ATP8A2: variants seen among roughly 807,000 people sequenced by gnomAD.
The protein encoded by ATP8A2 is ATPase phospholipid transporting 8A2.
In ATP8A2, 100 loss-of-function variants were observed where a neutral mutation model predicts 165.6. The observed-to-expected ratio is 0.60, with a 90% CI of 0.51 to 0.71. The LOEUF (loss-of-function observed/expected upper bound fraction) is 0.71. Among genes scored for constraint, ATP8A2 ranks in the 30% least tolerant of loss-of-function variants. The probability of loss-of-function intolerance (pLI) is 0.00; values close to 1 mark genes in which losing one functional copy is unlikely to be tolerated. For synonymous variants in ATP8A2, 543 were observed against 548.8 expected (o/e 0.99, Z 0.15); for missense variants, 1,227 against 1,479.5 (o/e 0.83, Z 2.80).
intron 1 of ATP8A2, among the ~76,000 whole-genome samples, chr13:25,449,549 C>A (rs1489090347): frequency 6.6e-6 from 1 of 152,142 alleles, no homozygotes; most frequent in Non-Finnish European, 1.5e-5. Context: ...GGAGTGTTCC[C>A]TAAGTGTCAG....
chr13:25,977,018 C>A (rs1038294379), intron 35 of ATP8A2, among the ~76,000 whole-genome samples: 1 of 149,992 alleles, frequency 6.7e-6, no homozygotes, highest in Non-Finnish European at 1.5e-5. Flanking sequence ...GAACTCCTGA[C>A]CTTGTGATCC....
chr13:25,522,494 G>A (rs776500865), intron 2 of ATP8A2, among the ~76,000 whole-genome samples: 13 of 152,118 alleles, frequency 8.5e-5, no homozygotes, highest in Non-Finnish European at 1.9e-4. Flanking sequence ...CCAGATCTTA[G>A]AGGAAAGGCT....
At chr13:25,902,610 A>G (rs1953790743) in intron 33 of ATP8A2, among the ~76,000 whole-genome samples, 1 of 150,478 alleles carries the variant, frequency 6.6e-6, no homozygotes, top group African/African-American at 2.4e-5. Context: ...AAGACTGTCC[A>G]TTCTGCGTGT....
intron 2 of ATP8A2, among the ~76,000 whole-genome samples, chr13:25,483,786 G>C (rs1471776626): frequency 6.6e-6 from 1 of 152,216 alleles, no homozygotes; most frequent in Admixed American, 6.5e-5. Flanking sequence ...GCTGCACTGT[G>C]TAAGAGCTCA....
At chr13:25,538,219 C>G (rs1026550676) in intron 7 of ATP8A2, among the ~76,000 whole-genome samples, 158 bp downstream of exon 7, 6 of 152,154 alleles carry the variant, frequency 3.9e-5, no homozygotes, top group Admixed American at 3.9e-4. Context: ...CTGCCATGAC[C>G]CTTGGTTTCT....
At chr13:25,964,015 G>A (rs1301297243) in intron 34 of ATP8A2, among the ~76,000 whole-genome samples, 1 of 152,246 alleles carries the variant, frequency 6.6e-6, no homozygotes, top group Non-Finnish European at 1.5e-5. Flanking sequence ...GGGCTCTGCA[G>A]TGGAGGTGCC....
chr13:25,939,547 T>C (rs866634548), intron 33 of ATP8A2, among the ~76,000 whole-genome samples: 1 of 152,090 alleles, frequency 6.6e-6, no homozygotes, highest in South Asian at 2.1e-4. Flanking sequence ...CTCTTCTTCC[T>C]GACTTTCGCC....
intron 1 of ATP8A2, among the ~76,000 whole-genome samples, chr13:25,458,054 T>C (rs2035410106): frequency 6.6e-6 from 1 of 152,224 alleles, no homozygotes; most frequent in Admixed American, 6.5e-5. Flanking sequence ...GGGGCTATAG[T>C]TGAAGCAAAT....
At chr13:25,920,451 T>G (rs1954416079) in intron 33 of ATP8A2, among the ~76,000 whole-genome samples, 1 of 152,186 alleles carries the variant, frequency 6.6e-6, no homozygotes, top group African/African-American at 2.4e-5. Context: ...AAGATGTCTT[T>G]GTGTTCCCCT....
At chr13:25,913,775 A>G (rs1004615431) in intron 33 of ATP8A2, among the ~76,000 whole-genome samples, 3 of 152,236 alleles carry the variant, frequency 2.0e-5, no homozygotes, top group Non-Finnish European at 4.4e-5. Flanking sequence ...GGAAATTAGT[A>G]TAGTGTACAA....
Position 25,746,329 on chromosome 13 carries a change from A to G in ATP8A2, c.2385-22717A>G, listed in dbSNP as rs2138174277. Among the ~76,000 whole-genome samples the G allele has an allele frequency of 4.6e-5, 7 of 152,332 alleles. 1 individual carries two copies. In the South Asian group the frequency reaches 1.5e-3, roughly 32 times the overall value. Reference sequence around the variant, plus strand: ...TTGCACACTGACATGAACTTAAAGCAGGACAGATGGATGGCAAGGGCTGTG... The same window carrying G: ...TTGCACACTGACATGAACTTAAAGCGGGACAGATGGATGGCAAGGGCTGTG... On this transcript the variant is annotated intron_variant, in intron 25 of 36. Transcript: ENST00000381655.
At chr13:25,468,736 C>T (rs1450304271) in intron 1 of ATP8A2, 6 of 720,370 alleles carry the variant, frequency 8.3e-6, no homozygotes, top group Non-Finnish European at 6.8e-6. Context: ...GGGCTCGCTC[C>T]ACAAGCGCCA....
rs370813766 is a variant in ATP8A2 at position 26,020,492 on chromosome 13, G to A, written c.*507G>A. 205 of 153,192 alleles carry A rather than the reference G, an allele frequency of 1.3e-3. 1 individual carries two copies. Among genetic ancestry groups the A allele is most frequent in the African/African-American group, 4.7e-3 (197 of 41,586 alleles). The allele number at this position is 153,192 out of a possible 1,614,324, so 9.5% of individuals were successfully genotyped here. Reference sequence around the variant, plus strand: ...GATTCCTGTTTTGTGTGTAAAATTGGCATAAACTTCTTGATTGCAGTGAAA... The same window carrying A: ...GATTCCTGTTTTGTGTGTAAAATTGACATAAACTTCTTGATTGCAGTGAAA... On this transcript the variant is annotated 3_prime_UTR_variant, in exon 37 of 37. Transcript: ENST00000381655.
At position 25,710,283 on chromosome 13, in the gene ATP8A2, C is replaced by T. The variant is rs116612901; in HGVS notation, c.2384+10938C>T. ...TTGAGTGTTAGGAACATTCCAACTC[C>T]GCTGTTTTAATTATTTTGAAATATA... On this transcript the variant is annotated intron_variant, in intron 25 of 36. Transcript: ENST00000381655. 7.7e-3 allele frequency among the ~76,000 whole-genome samples: 1,170 copies of T among 152,158 alleles called. 16 individuals are homozygous for T. The highest frequency in any genetic ancestry group is 0.026 in the African/African-American group (1,096 of 41,508).
At chr13:25,827,417 C>T (rs1566178622) in intron 27 of ATP8A2, among the ~76,000 whole-genome samples, 1 of 152,202 alleles carries the variant, frequency 6.6e-6, no homozygotes, top group Non-Finnish European at 1.5e-5. Context: ...CGGTCTCTGA[C>T]AGTGTTTTAT....
chr13:25,934,229 C>T (rs930012616), intron 33 of ATP8A2, among the ~76,000 whole-genome samples: 4 of 152,292 alleles, frequency 2.6e-5, no homozygotes, highest in South Asian at 2.1e-4. Context: ...CTAGTATGTA[C>T]GGGTAGGCTG....
intron 33 of ATP8A2, among the ~76,000 whole-genome samples, chr13:25,894,248 A>C (rs1391329466): frequency 2.0e-5 from 3 of 152,318 alleles, no homozygotes; most frequent in Admixed American, 6.5e-5. Context: ...AGCTTTCTAC[A>C]TATGGCTAGC....
chr13:25,816,496 T>G (rs943472090), intron 27 of ATP8A2, among the ~76,000 whole-genome samples: 4 of 152,150 alleles, frequency 2.6e-5, no homozygotes, highest in Non-Finnish European at 5.9e-5. Flanking sequence ...GCCACCACAT[T>G]TGGAAAAGTT....
intron 2 of ATP8A2, among the ~76,000 whole-genome samples, chr13:25,496,212 T>C (rs992543776): frequency 2.0e-5 from 3 of 152,074 alleles, no homozygotes; most frequent in African/African-American, 7.2e-5. Flanking sequence ...TTAAAATGAA[T>C]CATTGTTGAA....
Sources: allele counts gnomAD v4.1 joint callset (sites outside exome capture counted in the v4.1 genomes callset), GRCh38; gene constraint gnomAD v4.1.1; transcripts MANE v1.5; gene names NCBI Gene and HGNC (gene_info 2026-07-23, HGNC 2026-07-21).